The following AMPH variants were observed in gnomAD, a reference collection of about 807,000 sequenced individuals.
The protein encoded by AMPH is amphiphysin.
In AMPH, 49 loss-of-function variants were observed where a neutral mutation model predicts 99.1. The ratio of observed to expected loss-of-function variants is 0.49; its 90% CI spans 0.39 to 0.63. The LOEUF is 0.63. Ranked by LOEUF, AMPH falls within the 20% of genes least tolerant of loss-of-function variation. The pLI, the probability that AMPH is intolerant of heterozygous loss-of-function variation, is 0.00. For synonymous variants in AMPH, 314 were observed against 317.3 expected (o/e 0.99, Z 0.11); for missense variants, 759 against 863.4 (o/e 0.88, Z 1.52).
At chr7:38,527,872 C>T (rs979170911) in intron 2 of AMPH, among the ~76,000 whole-genome samples, 9 of 152,074 alleles carry the variant, frequency 5.9e-5, no homozygotes, top group Admixed American at 1.3e-4. Flanking sequence ...ATTAACTGTA[C>T]GTTAGGTTTC....
chr7:38,465,698 G>A lies in AMPH; in HGVS notation c.667-149C>T, dbSNP rs534922038. ...TCAGGATAACTGAAATTCTGTATAC[G>A]GTTCAAATTTAAAATCTATGTCAAA... On this transcript the variant is annotated intron_variant, in intron 8 of 20. Transcript: ENST00000356264. The A allele has an allele frequency of 4.6e-4, 295 of 647,772 alleles. 1 individual carries two copies. The highest frequency in any genetic ancestry group is 4.4e-3 in the African/African-American group (236 of 54,248). The allele number at this position is 647,772 out of a possible 1,614,324, so 40.1% of individuals were successfully genotyped here. A position where few individuals can be genotyped will look rare whatever the true frequency, so the allele number is the denominator to read the frequency against.
At chr7:38,419,451 G>C (rs993644940) in intron 16 of AMPH, among the ~76,000 whole-genome samples, 5 of 152,014 alleles carry the variant, frequency 3.3e-5, no homozygotes, top group African/African-American at 9.7e-5. Flanking sequence ...GATTTTTATG[G>C]GCTTTTTTCA....
intron 1 of AMPH, among the ~76,000 whole-genome samples, chr7:38,631,062 C>T (rs2129074754): frequency 6.6e-6 from 1 of 152,210 alleles, no homozygotes; most frequent in African/African-American, 2.4e-5. Flanking sequence ...GTCTGCGGGT[C>T]CCCGGCGCTG....
chr7:38,527,417 T>C (rs1171292196), intron 2 of AMPH, among the ~76,000 whole-genome samples: 2 of 152,222 alleles, frequency 1.3e-5, no homozygotes, highest in African/African-American at 4.8e-5. Flanking sequence ...TTAGTTCTTT[T>C]TGATTTCAGT....
At chr7:38,568,758 C>T (rs1791836805) in intron 1 of AMPH, among the ~76,000 whole-genome samples, 1 of 152,192 alleles carries the variant, frequency 6.6e-6, no homozygotes, top group Admixed American at 6.5e-5. Flanking sequence ...TGACTTACCA[C>T]ACCTTGTGCC....
At chr7:38,602,955 G>C (rs771968984) in intron 1 of AMPH, among the ~76,000 whole-genome samples, 7 of 152,142 alleles carry the variant, frequency 4.6e-5, no homozygotes, top group Non-Finnish European at 7.3e-5. Context: ...AAGGCTGAAA[G>C]TTGCCTGAGA....
At chr7:38,541,942 T>C (rs576324900) in intron 1 of AMPH, among the ~76,000 whole-genome samples, 33 of 152,324 alleles carry the variant, frequency 2.2e-4, no homozygotes, top group Admixed American at 1.6e-3. Flanking sequence ...CCAAGGCTGC[T>C]TTCCAATCAC....
At chr7:38,512,854 A>G (rs1382746714) in intron 2 of AMPH, among the ~76,000 whole-genome samples, 2 of 152,240 alleles carry the variant, frequency 1.3e-5, no homozygotes, top group Non-Finnish European at 2.9e-5. Context: ...AACAAGTTAA[A>G]CAAATGTAAC....
At chr7:38,416,687 T>A (rs1785394764) in intron 17 of AMPH, among the ~76,000 whole-genome samples, 1 of 152,142 alleles carries the variant, frequency 6.6e-6, no homozygotes, top group South Asian at 2.1e-4. Context: ...AGTAGACAGA[T>A]CACCATTGGA....
intron 2 of AMPH, among the ~76,000 whole-genome samples, chr7:38,521,463 G>A (rs1789958963): frequency 6.6e-6 from 1 of 152,216 alleles, no homozygotes; most frequent in African/African-American, 2.4e-5. Flanking sequence ...AGAGGTTGCA[G>A]TGAACAGAGA....
chr7:38,610,473 C>A, intron 1 of AMPH, among the ~76,000 whole-genome samples: 1 of 150,364 alleles, frequency 6.7e-6, no homozygotes, highest in Non-Finnish European at 1.5e-5. Context: ...AAATAAAAAG[C>A]CAATTTTGTT....
intron 1 of AMPH, among the ~76,000 whole-genome samples, chr7:38,605,452 A>C (rs1024792979): frequency 3.3e-5 from 5 of 152,182 alleles, no homozygotes; most frequent in Non-Finnish European, 7.3e-5. Flanking sequence ...GCTTTTGTGG[A>C]GGTCACATTT....
At chr7:38,614,320 T>C (rs995722125) in intron 1 of AMPH, among the ~76,000 whole-genome samples, 1 of 152,222 alleles carries the variant, frequency 6.6e-6, no homozygotes, top group African/African-American at 2.4e-5. Flanking sequence ...CAAACAATCC[T>C]GCAGTTTCCA....
intron 11 of AMPH, among the ~76,000 whole-genome samples, chr7:38,447,233 G>T (rs1245731640): frequency 2.0e-5 from 3 of 152,080 alleles, no homozygotes; most frequent in African/African-American, 7.2e-5. Context: ...TAGCCAGGTT[G>T]GTCTTGAACT....
At chr7:38,511,957 GAC>G (rs1169151131) in intron 2 of AMPH, among the ~76,000 whole-genome samples, 6 of 152,204 alleles carry the variant, frequency 3.9e-5, no homozygotes, top group Non-Finnish European at 5.9e-5. Flanking sequence ...ACTCTTTAGA[GAC>G]ACAAGTCAAA....
chr7:38,485,547 CACAATTTCAATT>C (rs1449611951), intron 5 of AMPH, among the ~76,000 whole-genome samples: 16 of 151,640 alleles, frequency 1.1e-4, no homozygotes, highest in Non-Finnish European at 2.1e-4. Flanking sequence ...TAGATAGAAC[CACAATTTCAATT>C]ACAATTTCAA....
At chr7:38,454,031 G>A (rs1787138632) in intron 11 of AMPH, among the ~76,000 whole-genome samples, 1 of 152,160 alleles carries the variant, frequency 6.6e-6, no homozygotes, top group South Asian at 2.1e-4. Context: ...GCGGCATCTC[G>A]GTATCCACAG....
intron 2 of AMPH, among the ~76,000 whole-genome samples, chr7:38,512,216 G>C (rs961580782): frequency 6.6e-6 from 1 of 152,186 alleles, no homozygotes; most frequent in Admixed American, 6.5e-5. Flanking sequence ...AGATTGCTAT[G>C]CCAATGGCAA....
chr7:38,521,047 G>C (rs1467897403), intron 2 of AMPH, among the ~76,000 whole-genome samples: 2 of 152,154 alleles, frequency 1.3e-5, no homozygotes, highest in Admixed American at 6.5e-5. Flanking sequence ...GCCAAAGAAA[G>C]ATTTAGTACT....
Sources: gnomAD v4.1 joint callset for allele counts (sites outside exome capture counted in the v4.1 genomes callset) on GRCh38, gnomAD v4.1.1 for gene constraint, MANE v1.5 for transcripts, NCBI Gene and HGNC (gene_info 2026-07-23, HGNC 2026-07-21) for gene names.